ZNF385D: variants seen among roughly 807,000 people sequenced by gnomAD.
ZNF385D encodes zinc finger protein 385D.
A neutral mutation model predicts 35.8 loss-of-function variants in ZNF385D; 15 were observed. The ratio of observed to expected loss-of-function variants is 0.42; its 90% confidence interval spans 0.28 to 0.64. The LOEUF (loss-of-function observed/expected upper bound fraction) is 0.64, where lower values mean the gene tolerates loss of function less well. Ranked by LOEUF, ZNF385D falls within the 30% of genes least tolerant of loss-of-function variation. ZNF385D has a pLI of 0.23. For synonymous variants in ZNF385D, 212 were observed against 186.8 expected (o/e 1.13, Z -1.10); for missense variants, 474 against 494.6 (o/e 0.96, Z 0.39).
At chr3:21,765,251 T>C (rs2070777737) in intron 3 of ZNF385D, among the ~76,000 whole-genome samples, 1 of 151,936 alleles carries the variant, frequency 6.6e-6, no homozygotes, top group African/African-American at 2.4e-5. Context: ...TTTGAGTGTG[T>C]GTGTTATAGA....
chr3:22,078,281 T>A (rs1424871024), intron 3 of ZNF385D, among the ~76,000 whole-genome samples: 1 of 152,050 alleles, frequency 6.6e-6, no homozygotes. Flanking sequence ...GAAAAAAATA[T>A]GTTGACAAAT....
chr3:21,834,404 C>T (rs1695194171), intron 3 of ZNF385D, among the ~76,000 whole-genome samples: 1 of 152,088 alleles, frequency 6.6e-6, no homozygotes, highest in Non-Finnish European at 1.5e-5. Context: ...TTCTGTTTTG[C>T]TTATCTGGAA....
intron 2 of ZNF385D, among the ~76,000 whole-genome samples, chr3:22,359,910 C>A (rs1392544250): frequency 6.6e-6 from 1 of 151,768 alleles, no homozygotes; most frequent in Non-Finnish European, 1.5e-5. Flanking sequence ...ATACTAGCGG[C>A]AACATAATGT....
At chr3:21,459,782 G>T (rs983977766) in intron 4 of ZNF385D, among the ~76,000 whole-genome samples, 2 of 152,156 alleles carry the variant, frequency 1.3e-5, no homozygotes, top group Non-Finnish European at 2.9e-5. Flanking sequence ...ATTCAAGAGA[G>T]ATGGAATATT....
At chr3:21,572,598 G>A (rs915948144) in intron 2 of ZNF385D, among the ~76,000 whole-genome samples, 5 of 152,056 alleles carry the variant, frequency 3.3e-5, no homozygotes, top group African/African-American at 1.2e-4. Context: ...GAGTTTCCCC[G>A]GGCCCTTGGG....
intron 3 of ZNF385D, among the ~76,000 whole-genome samples, chr3:21,836,702 A>G (rs1222183766): frequency 2.6e-5 from 4 of 152,166 alleles, no homozygotes; most frequent in Non-Finnish European, 5.9e-5. Context: ...AACTTTACTT[A>G]TAGACACTAA....
At chr3:21,836,320 T>C (rs1035803895) in intron 3 of ZNF385D, among the ~76,000 whole-genome samples, 5 of 152,130 alleles carry the variant, frequency 3.3e-5, no homozygotes, top group Non-Finnish European at 2.9e-5. Context: ...TCTGATCTAC[T>C]GTTCTCTAGC....
chr3:22,090,110 T>C (rs1253182218), intron 3 of ZNF385D, among the ~76,000 whole-genome samples: 3 of 152,206 alleles, frequency 2.0e-5, no homozygotes, highest in East Asian at 1.9e-4. Context: ...AGTGCTGATA[T>C]TGCAGGCGTG....
At chr3:21,482,308 A>G (rs1704685465) in intron 4 of ZNF385D, among the ~76,000 whole-genome samples, 2 of 152,170 alleles carry the variant, frequency 1.3e-5, no homozygotes, top group South Asian at 4.1e-4. Flanking sequence ...TTTTCTAAAC[A>G]AAGTTTTTTT....
chr3:22,130,755 T>C (rs1463162342), intron 3 of ZNF385D, among the ~76,000 whole-genome samples: 3 of 152,254 alleles, frequency 2.0e-5, no homozygotes, highest in Non-Finnish European at 2.9e-5. Flanking sequence ...TTCCTTGATA[T>C]GATGTTAGAA....
At chr3:22,101,725 A>T (rs1055440331) in intron 3 of ZNF385D, among the ~76,000 whole-genome samples, 1 of 152,046 alleles carries the variant, frequency 6.6e-6, no homozygotes. Flanking sequence ...AAATAAAACC[A>T]AGTCAGCAGA....
rs189394263 is a variant in ZNF385D, at chr3:21,943,177, C to A, written c.325+225640G>T. Among the ~76,000 whole-genome samples, 3 of 152,134 alleles carry A rather than the reference C, an allele frequency of 2.0e-5. No homozygotes were observed. In the East Asian group the frequency reaches 5.8e-4, roughly 29 times the overall value. ...CACCCAGTTCACATTTTGGTACTGT[C>A]TAGCTTATAGTGAAAAAAGGCATCT... On this transcript the variant is annotated intron_variant, in intron 3 of 5. Transcript: ENST00000494108.
chr3:22,329,053 G>T (rs1694810458), intron 2 of ZNF385D, among the ~76,000 whole-genome samples: 1 of 144,220 alleles, frequency 6.9e-6, no homozygotes, highest in South Asian at 2.2e-4. Context: ...CTCCAGCCTG[G>T]GCGACAGAGC....
At chr3:21,997,449 G>A (rs1695538495) in intron 3 of ZNF385D, among the ~76,000 whole-genome samples, 1 of 151,752 alleles carries the variant, frequency 6.6e-6, no homozygotes, top group South Asian at 2.1e-4. Flanking sequence ...GTATACATAT[G>A]TAACAAATCT....
In ZNF385D at chr3:21,761,868, CCTTT is replaced by C. The variant is rs1316842405; in HGVS notation, c.326-96844_326-96841del. 2.5e-3 allele frequency among the ~76,000 whole-genome samples: 260 copies of C among 102,924 alleles called. 1 individual carries two copies. The highest frequency in any genetic ancestry group is 8.8e-3 in the African/African-American group (245 of 27,728). The allele number at this position is 102,924 out of a possible 152,430, so 67.5% of individuals were successfully genotyped here. A position where few individuals can be genotyped will look rare whatever the true frequency, so the allele number is the denominator to read the frequency against. On this transcript the variant is annotated intron_variant, in intron 3 of 5. Transcript: ENST00000494108. ...ATTATGATTTCAAGAGCATTTTCTT[CCTTT>C]TTTTTTTTTTTTTTTTTTTTTTTTT...
chr3:22,297,203 G>C (rs1412911138), intron 2 of ZNF385D, among the ~76,000 whole-genome samples: 2 of 152,232 alleles, frequency 1.3e-5, no homozygotes, highest in African/African-American at 2.4e-5. Context: ...CAAGCTCCCA[G>C]ACTGTGACAA....
At chr3:21,760,116 G>A (rs997813192) in intron 3 of ZNF385D, among the ~76,000 whole-genome samples, 9 of 152,170 alleles carry the variant, frequency 5.9e-5, no homozygotes, top group Non-Finnish European at 1.0e-4. Context: ...TCTCAATCTC[G>A]TCTTTGCTAT....
At chr3:21,758,974 GCAAAAAAAAAAA>G (rs1255033389) in intron 3 of ZNF385D, among the ~76,000 whole-genome samples, 6 of 14,174 alleles carry the variant, frequency 4.2e-4, no homozygotes, top group African/African-American at 1.7e-3. Context: ...ATCATCACTG[GCAAAAAAAAAAA>G]AAAAAAAAAA....
rs148044883 is a variant in ZNF385D at position 21,725,815 on chromosome 3, T to C, written c.22+25080A>G. On this transcript the variant is annotated intron_variant, in intron 1 of 7. Coordinates refer to ENST00000281523, the MANE Select transcript of ZNF385D (RefSeq NM_024697.3). ...CAAGCAATAGAAAAAGACAGAATCC[T>C]CCCTAACTCATTTTATGAGGCCAGC... Among the ~76,000 whole-genome samples, 1,043 of 152,210 alleles carry C rather than the reference T, an allele frequency of 6.9e-3. 14 individuals are homozygous for C. Among genetic ancestry groups the C allele is most frequent in the African/African-American group, 0.022 (903 of 41,548 alleles).
Sources: allele counts gnomAD v4.1 joint callset (sites outside exome capture counted in the v4.1 genomes callset), GRCh38; gene constraint gnomAD v4.1.1; transcripts MANE v1.5; gene names NCBI Gene and HGNC (gene_info 2026-07-23, HGNC 2026-07-21).